The following PXDC1 variants were observed in gnomAD, a reference collection of about 807,000 sequenced individuals.
The protein encoded by PXDC1 is PX domain containing 1.
In PXDC1, 13 loss-of-function variants were observed where a neutral mutation model predicts 24.4. That is an observed-to-expected ratio of 0.53 (90% CI 0.35 to 0.85). The LOEUF (loss-of-function observed/expected upper bound fraction) is 0.85. Ranked by LOEUF, PXDC1 falls within the 40% of genes least tolerant of loss-of-function variation. The pLI, the probability that PXDC1 is intolerant of heterozygous loss-of-function variation, is 0.01. For synonymous variants in PXDC1, 162 were observed against 124.9 expected (o/e 1.30, Z -1.98); for missense variants, 344 against 309.3 (o/e 1.11, Z -0.84).
Position 3,751,327 on chromosome 6 carries a change from C to CGCGCAGGCGCTGCCACAGGCG in PXDC1, c.184_204dup (p.Arg62_Arg68dup). The stretch of plus-strand genomic sequence containing the variant: ...TCGGACCGGTCCTCGGGAAAGGCGT[C>CGCGCAGGCGCTGCCACAGGCG]GCGCAGGCGCTGCCACAGGCGGCCC... On this transcript the variant is annotated inframe_insertion, in exon 1 of 5. Transcript: ENST00000380283. The CGCGCAGGCGCTGCCACAGGCG allele has an allele frequency of 6.5e-7, 1 of 1,549,746 alleles. No individual in the cohort carries two copies. Among genetic ancestry groups the CGCGCAGGCGCTGCCACAGGCG allele is most frequent in the Non-Finnish European group, 8.7e-7 (1 of 1,152,072 alleles).
At position 3,736,959 on chromosome 6, in the gene PXDC1, C is replaced by T. The variant is rs1760332419; in HGVS notation, c.466+120G>A. ...TCTCTCCCTGTACATTCGCATTTCT[C>T]TCGATTGTCTTTCTGGAAAAGTGTG... is the stretch of plus-strand genomic sequence containing the variant. On this transcript the variant is annotated intron_variant, in intron 3 of 4. Coordinates refer to ENST00000380283, the MANE Select transcript of PXDC1 (RefSeq NM_183373.4). The T allele has an allele frequency of 9.7e-6, 7 of 721,524 alleles. No individual in the cohort carries two copies. The Admixed American group carries it at 1.4e-4, about 14-fold the overall frequency. The allele number at this position is 721,524 out of a possible 1,614,324, so 44.7% of individuals were successfully genotyped here.
In PXDC1 at chr6:3,748,966, G is replaced by T. The variant is rs575803194; in HGVS notation, c.256+2310C>A. On this transcript the variant is annotated intron_variant, in intron 1 of 4. Coordinates refer to ENST00000380283, the MANE Select transcript of PXDC1 (RefSeq NM_183373.4). ...ATCTTTTTATGCAAACAATAAATCT[G>T]CATGGAAATAAGGTGCAATCTGCTT... Among the ~76,000 whole-genome samples the T allele has an allele frequency of 1.3e-4, 20 of 152,300 alleles. No homozygotes were observed. In the South Asian group the frequency reaches 4.1e-3, roughly 32 times the overall value.
rs1368020999 is a variant in PXDC1, at chr6:3,724,145, C to G, written c.579-409G>C. Among the ~76,000 whole-genome samples the G allele has an allele frequency of 6.6e-6, 1 of 152,114 alleles. No homozygotes were observed. The highest frequency in any genetic ancestry group is 2.4e-5 in the African/African-American group (1 of 41,426). On this transcript the variant is annotated intron_variant, in intron 4 of 4. Transcript: ENST00000380283. The surrounding 1 kb of genome is among the most constrained non-coding windows in gnomAD (Gnocchi z 4.5). ...GAGAGGAGTGGTCACGAGCTCACAGCCTGACCGCAGCAGAGATGACACACG... is the reference window on the plus strand; with the variant it reads ...GAGAGGAGTGGTCACGAGCTCACAGGCTGACCGCAGCAGAGATGACACACG...
chr6:3,736,955 T>G (rs1199811170), intron 3 of PXDC1, 124 bp downstream of exon 3: 5 of 716,152 alleles, frequency 7.0e-6, no homozygotes, highest in Admixed American at 2.0e-5. Context: ...ACATTCGCAT[T>G]TCTCTCGATT....
intron 1 of PXDC1, among the ~76,000 whole-genome samples, chr6:3,747,050 A>G (rs1453600115): frequency 6.6e-6 from 1 of 152,106 alleles, no homozygotes; most frequent in Non-Finnish European, 1.5e-5. Context: ...TTAGCACCAC[A>G]TGGGCTGGCG....
At chr6:3,726,747 G>A (rs1232413230) in intron 4 of PXDC1, among the ~76,000 whole-genome samples, 1 of 152,252 alleles carries the variant, frequency 6.6e-6, no homozygotes, top group East Asian at 1.9e-4. Context: ...GCCATCCCCA[G>A]GCTATGTCAT....
rs545620729 is a variant in PXDC1, at chr6:3,733,229, A to T, written c.466+3850T>A. Among the ~76,000 whole-genome samples, 326 of 152,262 alleles carry T rather than the reference A, an allele frequency of 2.1e-3. 5 individuals carry two copies. The highest frequency in any genetic ancestry group is 5.4e-3 in the Admixed American group (82 of 15,300). ...GGACGCATGAGAGAAAGCCGTGTGG[A>T]CAGTCTCAGGTGATGCCAGGACTCT... On this transcript the variant is annotated intron_variant, in intron 3 of 4. Transcript: ENST00000380283.
chr6:3,749,940 A>G (rs1340810297), intron 1 of PXDC1, among the ~76,000 whole-genome samples: 3 of 152,222 alleles, frequency 2.0e-5, no homozygotes, highest in African/African-American at 7.2e-5. Context: ...TGATTTGTTA[A>G]ATTTAAAATA....
chr6:3,742,450 C>T (rs1422382639), intron 1 of PXDC1, among the ~76,000 whole-genome samples: 1 of 152,160 alleles, frequency 6.6e-6, no homozygotes, highest in Admixed American at 6.5e-5. Context: ...GGTTTCACTG[C>T]CTGAGATCGC....
chr6:3,729,803 A>G (rs1760155249), intron 3 of PXDC1, among the ~76,000 whole-genome samples: 1 of 152,148 alleles, frequency 6.6e-6, no homozygotes, highest in South Asian at 2.1e-4. Context: ...TGACAGCCCC[A>G]TCCCCCTTTC....
chr6:3,733,905 C>T (rs1024835509), intron 3 of PXDC1, among the ~76,000 whole-genome samples: 2 of 152,158 alleles, frequency 1.3e-5, no homozygotes, highest in African/African-American at 4.8e-5. Flanking sequence ...TTCCACATTT[C>T]CTCCCATTCT....
chr6:3,739,960 T>C (rs2127600863), intron 1 of PXDC1, among the ~76,000 whole-genome samples: 1 of 152,354 alleles, frequency 6.6e-6, no homozygotes, highest in South Asian at 2.1e-4. Flanking sequence ...AAGACAATTA[T>C]ATAACTCATT....
At chr6:3,746,598 G>C (rs1436980856) in intron 1 of PXDC1, among the ~76,000 whole-genome samples, 1 of 152,144 alleles carries the variant, frequency 6.6e-6, no homozygotes, top group East Asian at 1.9e-4. Flanking sequence ...GAAGGCAAAG[G>C]GCAGGCCCAG....
chr6:3,751,098 T>A (rs2127603537), intron 1 of PXDC1, 178 bp downstream of exon 1: 1 of 517,808 alleles, frequency 1.9e-6, no homozygotes, highest in Middle Eastern at 5.1e-4. Flanking sequence ...TGGCTCCCCG[T>A]CCCCCTAACC....
intron 3 of PXDC1, among the ~76,000 whole-genome samples, chr6:3,735,357 C>T (rs1760290514): frequency 6.6e-6 from 1 of 152,178 alleles, no homozygotes; most frequent in Non-Finnish European, 1.5e-5. Context: ...ACGGAAACCA[C>T]CAAAGTGTCT....
intron 1 of PXDC1, chr6:3,738,982 A>T: frequency 2.3e-6 from 3 of 1,284,736 alleles, no homozygotes; most frequent in Non-Finnish European, 3.1e-6. Flanking sequence ...GTGAGCGGTG[A>T]TTAAACCACA....
At chr6:3,745,526 A>C (rs1280537466) in intron 1 of PXDC1, among the ~76,000 whole-genome samples, 1 of 152,218 alleles carries the variant, frequency 6.6e-6, no homozygotes, top group Non-Finnish European at 1.5e-5. Flanking sequence ...CCAGCATCCA[A>C]TCCCCTAACC....
At chr6:3,740,261 C>T (rs1760423093) in intron 1 of PXDC1, among the ~76,000 whole-genome samples, 1 of 152,198 alleles carries the variant, frequency 6.6e-6, no homozygotes, top group South Asian at 2.1e-4. Flanking sequence ...ATGTGCAGCT[C>T]TTGGTTGGGT....
At chr6:3,750,166 G>C (rs1402827147) in intron 1 of PXDC1, among the ~76,000 whole-genome samples, 1 of 152,222 alleles carries the variant, frequency 6.6e-6, no homozygotes, top group East Asian at 1.9e-4. Flanking sequence ...CTCACACTGG[G>C]GTTGGGGCCA....
Sources: gnomAD v4.1 joint callset for allele counts (sites outside exome capture counted in the v4.1 genomes callset) on GRCh38, gnomAD v4.1.1 for gene constraint, Gnocchi (gnomAD v3.1) non-coding constraint, MANE v1.5 for transcripts, NCBI Gene and HGNC (gene_info 2026-07-23, HGNC 2026-07-21) for gene names.